Variants in PTPRD observed in about 807,000 individuals in gnomAD.
PTPRD encodes the protein protein tyrosine phosphatase receptor type D.
A neutral mutation model predicts 214.5 loss-of-function variants in PTPRD; 34 were observed. The ratio of observed to expected loss-of-function variants is 0.16; its 90% CI spans 0.12 to 0.21. PTPRD has a LOEUF of 0.21. Ranked by LOEUF, PTPRD falls within the 10% of genes least tolerant of loss-of-function variation. PTPRD has a pLI of 1.00. For missense variants in PTPRD, 2,545 were observed against 2,398.7 expected (o/e 1.06, Z -1.27); for synonymous variants, 1,128 against 845.7 (o/e 1.33, Z -5.79).
At chr9:9,595,825 A>G (rs1020517503) in intron 7 of PTPRD, among the ~76,000 whole-genome samples, 2 of 151,926 alleles carry the variant, frequency 1.3e-5, no homozygotes, top group African/African-American at 4.8e-5. Flanking sequence ...AGGATAAAAG[A>G]CTACAAGCTG....
chr9:9,233,983 T>C (rs1261038575), intron 9 of PTPRD, among the ~76,000 whole-genome samples: 1 of 152,096 alleles, frequency 6.6e-6, no homozygotes, highest in Non-Finnish European at 1.5e-5. Context: ...ATGATGGCCC[T>C]TTTTTTCAAA....
intron 2 of PTPRD, among the ~76,000 whole-genome samples, chr9:10,356,230 G>A (rs970032662): frequency 1.3e-4 from 19 of 151,858 alleles, no homozygotes; most frequent in African/African-American, 4.4e-4. Flanking sequence ...TTAGCAACAA[G>A]AAGTAAAGTG....
chr9:10,043,898 C>G (rs560497449), intron 3 of PTPRD, among the ~76,000 whole-genome samples: 2 of 151,894 alleles, frequency 1.3e-5, no homozygotes, highest in Admixed American at 1.3e-4. Flanking sequence ...GTATTTTGAT[C>G]ATAAGCTGTG....
intron 11 of PTPRD, among the ~76,000 whole-genome samples, chr9:8,890,615 T>C (rs1451127918): frequency 6.6e-6 from 1 of 152,260 alleles, no homozygotes; most frequent in Admixed American, 6.5e-5. Flanking sequence ...ATTAGACAGC[T>C]ATTTTCAGAT....
intron 7 of PTPRD, among the ~76,000 whole-genome samples, chr9:9,699,877 C>A (rs955311900): frequency 2.6e-5 from 4 of 152,172 alleles, no homozygotes; most frequent in African/African-American, 4.8e-5. Flanking sequence ...CTCATTTAAT[C>A]TAGGGTTGCA....
intron 3 of PTPRD, among the ~76,000 whole-genome samples, chr9:10,230,877 T>G (rs549749117): frequency 1.6e-4 from 25 of 152,170 alleles, no homozygotes; most frequent in Admixed American, 2.0e-4. Context: ...AGAGTGCTTC[T>G]AGCGTTTAAA....
At chr9:8,419,555 T>A (rs1235078729) in intron 35 of PTPRD, among the ~76,000 whole-genome samples, 1 of 151,804 alleles carries the variant, frequency 6.6e-6, no homozygotes, top group Non-Finnish European at 1.5e-5. Context: ...TTTACCAATA[T>A]AAATATTAAA....
At chr9:9,498,099 C>A (rs2096267656) in intron 8 of PTPRD, among the ~76,000 whole-genome samples, 1 of 152,156 alleles carries the variant, frequency 6.6e-6, no homozygotes. Context: ...AAGCAGTTTA[C>A]TTACCAAGAG....
chr9:9,021,052 C>T (rs183943333), intron 10 of PTPRD, among the ~76,000 whole-genome samples: 12 of 152,148 alleles, frequency 7.9e-5, no homozygotes, highest in Admixed American at 5.9e-4. Flanking sequence ...TAATGTGCTG[C>T]CAATTTAACC....
chr9:9,983,696 C>G (rs1374757270), intron 4 of PTPRD, among the ~76,000 whole-genome samples: 1 of 152,200 alleles, frequency 6.6e-6, no homozygotes, highest in East Asian at 1.9e-4. Context: ...AAATAAATAA[C>G]TGCAACATAC....
intron 9 of PTPRD, among the ~76,000 whole-genome samples, chr9:9,282,625 A>G (rs1221012807): frequency 1.3e-5 from 2 of 151,360 alleles, no homozygotes; most frequent in Non-Finnish European, 1.5e-5. Context: ...ATTATTTTGT[A>G]ACTATTTCTT....
chr9:9,276,521 G>C (rs1945709931), intron 9 of PTPRD, among the ~76,000 whole-genome samples: 1 of 151,240 alleles, frequency 6.6e-6, no homozygotes, highest in African/African-American at 2.4e-5. Flanking sequence ...CTCTAGAGCA[G>C]CATGCAGTCC....
intron 7 of PTPRD, among the ~76,000 whole-genome samples, chr9:9,589,418 T>G (rs1328093563): frequency 3.3e-5 from 5 of 151,940 alleles, no homozygotes; most frequent in African/African-American, 4.8e-5. Context: ...CATATTTCTT[T>G]AAAATATAGA....
chr9:9,933,173 C>T (rs552684868), intron 5 of PTPRD, among the ~76,000 whole-genome samples: 42 of 152,316 alleles, frequency 2.8e-4, no homozygotes, highest in East Asian at 9.6e-4. Flanking sequence ...CATCAACTAA[C>T]GTGCAAAATA....
intron 3 of PTPRD, among the ~76,000 whole-genome samples, chr9:10,166,171 A>G (rs962880431): frequency 2.7e-5 from 4 of 150,348 alleles, no homozygotes; most frequent in Non-Finnish European, 4.5e-5. Flanking sequence ...TACATCTCTA[A>G]TAGAGAAGAT....
chr9:9,808,239 G>C (rs1329194094), intron 5 of PTPRD, among the ~76,000 whole-genome samples: 6 of 152,138 alleles, frequency 3.9e-5, no homozygotes, highest in Non-Finnish European at 8.8e-5. Context: ...GCTTTGGTCT[G>C]ATGAGCATTT....
intron 10 of PTPRD, among the ~76,000 whole-genome samples, chr9:9,090,297 G>A (rs992440526): frequency 2.0e-5 from 3 of 152,078 alleles, no homozygotes; most frequent in African/African-American, 7.2e-5. Flanking sequence ...ACATATAAGT[G>A]AGAACACGCA....
intron 8 of PTPRD, among the ~76,000 whole-genome samples, chr9:9,421,597 T>C (rs1276639088): frequency 6.6e-6 from 1 of 152,106 alleles, no homozygotes; most frequent in Non-Finnish European, 1.5e-5. Flanking sequence ...GCCTCTGGCT[T>C]AGCAATACAC....
At chr9:9,449,151 T>C (rs534628217) in intron 8 of PTPRD, among the ~76,000 whole-genome samples, 1 of 152,190 alleles carries the variant, frequency 6.6e-6, no homozygotes, top group African/African-American at 2.4e-5. Context: ...CAGTGAATTC[T>C]TTCTTCACGA....
Sources: allele counts gnomAD v4.1 joint callset (sites outside exome capture counted in the v4.1 genomes callset), GRCh38; gene constraint gnomAD v4.1.1; transcripts MANE v1.5; gene names NCBI Gene and HGNC (gene_info 2026-07-23, HGNC 2026-07-21).